TMEM87A: variants seen among roughly 807,000 people sequenced by gnomAD.
TMEM87A encodes the protein transmembrane protein 87A.
Under a neutral mutation model 90.0 loss-of-function variants are expected in TMEM87A, and 50 were observed. The observed-to-expected ratio is 0.56, with a 90% CI of 0.44 to 0.70. The LOEUF (loss-of-function observed/expected upper bound fraction) is 0.70. Among genes scored for constraint, TMEM87A ranks in the 30% least tolerant of loss-of-function variants. TMEM87A has a pLI of 0.00. For missense variants in TMEM87A, 577 were observed against 660.5 expected, an observed-to-expected ratio of 0.87 and a Z score of 1.39; for synonymous variants, 226 against 226.7, an observed-to-expected ratio of 1.00 and a Z score of 0.03.
At position 42,239,079 on chromosome 15, in the gene TMEM87A, T is replaced by C. The variant is rs539869282; in HGVS notation, c.684+591A>G. 7.2e-5 allele frequency among the ~76,000 whole-genome samples: 11 copies of C among 152,308 alleles called. 1 individual carries two copies. In the South Asian group the frequency reaches 2.3e-3, roughly 32 times the overall value. On this transcript the variant is annotated intron_variant, in intron 8 of 19. Coordinates refer to ENST00000389834, the MANE Select transcript of TMEM87A (RefSeq NM_015497.5). The stretch of plus-strand genomic sequence containing the variant: ...TTTTGTTGTTGAGACAGTTTCACTC[T>C]GTCGCCCAGGCTGGAGTGCAGTGGC...
At chr15:42,255,919 G>A (rs1462378896) in intron 6 of TMEM87A, among the ~76,000 whole-genome samples, 3 of 148,232 alleles carry the variant, frequency 2.0e-5, no homozygotes, top group East Asian at 2.0e-4. Context: ...ATAGGCGTGC[G>A]CCACCACACC....
intron 1 of TMEM87A, 52 bp from the exon 2 acceptor site, chr15:42,272,175 G>GC: frequency 1.5e-6 from 2 of 1,296,460 alleles, no homozygotes; most frequent in Non-Finnish European, 2.2e-6. Flanking sequence ...AATTACCAAA[G>GC]CATCATATAA....
intron 2 of TMEM87A, among the ~76,000 whole-genome samples, chr15:42,268,990 A>G (rs965350770): frequency 2.0e-5 from 3 of 152,248 alleles, no homozygotes; most frequent in African/African-American, 7.2e-5. Flanking sequence ...AGAAATAGCA[A>G]AAGCAAAGAT....
intron 6 of TMEM87A, among the ~76,000 whole-genome samples, chr15:42,251,940 A>T (rs977682825): frequency 6.6e-6 from 1 of 152,230 alleles, no homozygotes; most frequent in South Asian, 2.1e-4. Flanking sequence ...TTACCTACTC[A>T]AGCCTCAGCA....
chr15:42,247,959 C>T (rs2140958508), intron 6 of TMEM87A, among the ~76,000 whole-genome samples: 1 of 152,248 alleles, frequency 6.6e-6, no homozygotes, highest in East Asian at 1.9e-4. Flanking sequence ...TCTTTTATTT[C>T]TTTGAGCAGT....
chr15:42,216,059 A>G (rs1260194989), intron 19 of TMEM87A, among the ~76,000 whole-genome samples: 1 of 152,224 alleles, frequency 6.6e-6, no homozygotes, highest in Non-Finnish European at 1.5e-5. Flanking sequence ...AACCTTAAAA[A>G]GGAAGGAAAT....
chr15:42,241,140 C>A (rs1256059738), intron 7 of TMEM87A, among the ~76,000 whole-genome samples: 2 of 152,188 alleles, frequency 1.3e-5, no homozygotes, highest in African/African-American at 2.4e-5. Flanking sequence ...AATTTGCTAG[C>A]CCCTGCTCTA....
intron 19 of TMEM87A, among the ~76,000 whole-genome samples, chr15:42,217,579 T>C (rs1406980479): frequency 2.0e-5 from 3 of 152,216 alleles, no homozygotes; most frequent in Non-Finnish European, 2.9e-5. Context: ...AGTCTGACCA[T>C]ATAACTTTGA....
At chr15:42,223,657 T>C (rs1433053698) in intron 15 of TMEM87A, among the ~76,000 whole-genome samples, 2 of 152,196 alleles carry the variant, frequency 1.3e-5, no homozygotes, top group East Asian at 3.9e-4. Context: ...CACCAGATGC[T>C]GACACTGCGA....
intron 6 of TMEM87A, 121 bp downstream of exon 6, chr15:42,260,837 A>T (rs1485457948): frequency 9.2e-7 from 1 of 1,090,536 alleles, no homozygotes; most frequent in Non-Finnish European, 1.3e-6. Context: ...TTTGGTCTAT[A>T]GCTTCCAGAT....
intron 13 of TMEM87A, 130 bp downstream of exon 13, chr15:42,228,582 A>C: frequency 5.8e-6 from 4 of 694,062 alleles, no homozygotes; most frequent in Non-Finnish European, 9.9e-6. Context: ...TGAGAATTTG[A>C]CAAGAGCTAA....
Position 42,272,111 on chromosome 15 carries a change from A to T in TMEM87A, c.157T>A (p.Phe53Ile). ...HIPIPSGKNY[F>I]SFGKILFRNT... ...CTGAAGAGGATCTTTCCAAAACTAA[A>T]ATAATTTTTCCCCTGCAAACATAAA... Residue 53 changes from phenylalanine to isoleucine, a missense_variant, in exon 2 of 20, where the codon TTT becomes ATT. By Grantham distance (21) the Phe-to-Ile change is conservative. Transcript: ENST00000389834. 1 of 1,607,456 alleles carries T rather than the reference A, an allele frequency of 6.2e-7. No homozygotes were observed. The highest frequency in any genetic ancestry group is 8.5e-7 in the Non-Finnish European group (1 of 1,177,370).
chr15:42,273,442 C>T (rs773999033), upstream of TMEM87A: 5 of 1,609,472 alleles, frequency 3.1e-6, no homozygotes, highest in South Asian at 2.2e-5. Flanking sequence ...TCACCCTCTT[C>T]CGGTTCGTCC....
At position 42,267,950 on chromosome 15, in the gene TMEM87A, G is replaced by T; in HGVS notation, c.288C>A (p.Phe96Leu). The T allele has an allele frequency of 6.2e-7, 1 of 1,610,622 alleles. No individual in the cohort carries two copies. The highest frequency in any genetic ancestry group is 8.5e-7 in the Non-Finnish European group (1 of 1,178,198). ...TCTGTAATTTTATGTTCCTTACCTT[G>T]AAGTTATAGATTTCATTGTAACAAT... ...SADCYNEIYN[F>L]KAEEVELYLE... The change falls in exon 3 of 20, where the codon TTC (phenylalanine) becomes TTA (leucine). Residue 96 changes from phenylalanine (F) to leucine (L), a missense_variant. Transcript: ENST00000389834.
intron 10 of TMEM87A, 26 bp from the exon 11 acceptor site, chr15:42,233,332 G>T (rs780325172): frequency 6.4e-7 from 1 of 1,574,228 alleles, no homozygotes; most frequent in South Asian, 1.1e-5. Flanking sequence ...GGAGATATTT[G>T]AGTACATATG....
At chr15:42,267,698 A>C (rs1566943200) in intron 3 of TMEM87A, among the ~76,000 whole-genome samples, 1 of 152,108 alleles carries the variant, frequency 6.6e-6, no homozygotes, top group Non-Finnish European at 1.5e-5. Context: ...ATATTTTCTC[A>C]GTTGTAATTT....
chr15:42,238,735 C>CA (rs2050819122), intron 8 of TMEM87A, among the ~76,000 whole-genome samples: 1 of 136,020 alleles, frequency 7.4e-6, no homozygotes, highest in Non-Finnish European at 1.6e-5. Flanking sequence ...GCCTGGGAGA[C>CA]AGAGTGAGAC....
intron 15 of TMEM87A, among the ~76,000 whole-genome samples, chr15:42,221,271 CAGAG>C (rs1208211599): frequency 0.012 from 1,346 of 111,830 alleles, 10 homozygotes; most frequent in Non-Finnish European, 0.019. Flanking sequence ...GAGACAGAGA[CAGAG>C]AGAGAGAGAG....
intron 18 of TMEM87A, 124 bp from the exon 19 acceptor site, chr15:42,217,957 G>A (rs934832544): frequency 1.4e-5 from 12 of 879,858 alleles, no homozygotes; most frequent in Non-Finnish European, 2.0e-5. Context: ...TTTATTAATG[G>A]CCCTTTTAGG....
Sources: allele counts gnomAD v4.1 joint callset (sites outside exome capture counted in the v4.1 genomes callset), GRCh38; gene constraint gnomAD v4.1.1; transcripts MANE v1.5; gene names NCBI Gene and HGNC (gene_info 2026-07-23, HGNC 2026-07-21).